The following TP53BP1 variants were observed in gnomAD, a reference collection of about 807,000 sequenced individuals.
TP53BP1 encodes the protein TP53-binding protein 1.
Under a neutral mutation model 200.8 loss-of-function variants are expected in TP53BP1, and 61 were observed. The observed-to-expected ratio is 0.30, with a 90% CI of 0.25 to 0.38. The LOEUF is 0.38. Among genes scored for constraint, TP53BP1 ranks in the 10% least tolerant of loss-of-function variants. The pLI, the probability that TP53BP1 is intolerant of heterozygous loss-of-function variation, is 1.00. For missense variants in TP53BP1, 2,144 were observed against 2,371.9 expected, an observed-to-expected ratio of 0.90 and a Z score of 2.00; for synonymous variants, 822 against 844.3, an observed-to-expected ratio of 0.97 and a Z score of 0.46.
intron 11 of TP53BP1, among the ~76,000 whole-genome samples, chr15:43,463,056 CAAAA>C (rs538139985): frequency 8.6e-5 from 13 of 151,468 alleles, no homozygotes; most frequent in African/African-American, 3.1e-4. Flanking sequence ...GACTCCATCT[CAAAA>C]AAAACACAAA....
intron 27 of TP53BP1, 37 bp from the exon 28 acceptor site, chr15:43,407,607 A>G (rs1421451296): frequency 5.7e-6 from 9 of 1,578,018 alleles, no homozygotes; most frequent in Admixed American, 1.8e-5. Flanking sequence ...AGGAAAGGAC[A>G]CTCAACTTAG....
intron 22 of TP53BP1, 113 bp from the exon 23 acceptor site, chr15:43,415,922 C>G: frequency 1.1e-6 from 1 of 892,306 alleles, no homozygotes; most frequent in Non-Finnish European, 1.7e-6. Context: ...CCCCCACTTC[C>G]CATGAGGCCA....
chr15:43,466,406 GAC>G lies in TP53BP1; in HGVS notation c.1389+3450_1389+3451del, dbSNP rs777104012. ...AAAGAAAACTAAACAAATAAAAAAA[GAC>G]AATTACAATTTCAGAGAAAAGAAAC... On this transcript the variant is annotated intron_variant, in intron 11 of 27. Transcript: ENST00000382044. Among the ~76,000 whole-genome samples, 8 of 152,272 alleles carry G rather than the reference GAC, an allele frequency of 5.3e-5. No individual in the cohort carries two copies. The East Asian group carries it at 1.5e-3, about 29-fold the overall frequency.
chr15:43,502,448 C>A (rs998795039), intron 1 of TP53BP1, among the ~76,000 whole-genome samples: 1 of 151,936 alleles, frequency 6.6e-6, no homozygotes, highest in Non-Finnish European at 1.5e-5. Context: ...GAAGTGATAT[C>A]TCATGTTTGT....
rs889198113 is a variant in TP53BP1 at position 43,403,380 on chromosome 15, C to G, written c.*4003G>C. ...TCCCGGGCAAAGGGAACAACACTCA[C>G]AGCTCAGAGGCAGGAAGACACTCTG... On this transcript the variant is annotated 3_prime_UTR_variant, in exon 28 of 28. Coordinates refer to ENST00000382044, the MANE Select transcript of TP53BP1 (RefSeq NM_001141980.3). 3 of 223,694 alleles carry G rather than the reference C, an allele frequency of 1.3e-5. No homozygotes were observed. The highest frequency in any genetic ancestry group is 1.8e-5 in the Non-Finnish European group (2 of 113,378). The allele number at this position is 223,694 out of a possible 1,614,324, so 13.9% of individuals were successfully genotyped here. A position where few individuals can be genotyped will look rare whatever the true frequency, so the allele number is the denominator to read the frequency against.
At chr15:43,474,225 C>T (rs988854684) in intron 10 of TP53BP1, among the ~76,000 whole-genome samples, 2 of 152,160 alleles carry the variant, frequency 1.3e-5, no homozygotes, top group Admixed American at 6.5e-5. Flanking sequence ...GGCCCGCAAG[C>T]GCCGCGCACA....
At chr15:43,428,296 T>C in intron 17 of TP53BP1, 128 bp from the exon 18 acceptor site, 1 of 825,948 alleles carries the variant, frequency 1.2e-6, no homozygotes, top group Non-Finnish European at 1.9e-6. Flanking sequence ...CTTCCTACTG[T>C]TTTGTTTTAT....
intron 5 of TP53BP1, 84 bp from the exon 6 acceptor site, chr15:43,480,101 C>T: frequency 1.5e-6 from 2 of 1,292,770 alleles, no homozygotes; most frequent in Non-Finnish European, 2.2e-6. Flanking sequence ...AAGGAGGGTC[C>T]CGTTAAGTCC....
chr15:43,420,142 C>A (rs1010416233), intron 21 of TP53BP1, among the ~76,000 whole-genome samples, 163 bp downstream of exon 21: 17 of 152,070 alleles, frequency 1.1e-4, no homozygotes, highest in African/African-American at 3.9e-4. Flanking sequence ...AATGAACAAA[C>A]AGAAAAGTCA....
chr15:43,468,125 A>G (rs1423231987), intron 11 of TP53BP1, among the ~76,000 whole-genome samples: 2 of 150,290 alleles, frequency 1.3e-5, no homozygotes, highest in East Asian at 2.0e-4. Flanking sequence ...GGGTCTTGCT[A>G]TTTTGCCCAA....
chr15:43,404,225 A>G lies in TP53BP1; in HGVS notation c.*3158T>C. On this transcript the variant is annotated 3_prime_UTR_variant, in exon 28 of 28. Transcript: ENST00000382044. ...CTGATGAAAGAGTACTTTCATAGGA[A>G]GTCATGCATGTATGGATTTGGTACA... The G allele has an allele frequency of 1.7e-6, 1 of 604,206 alleles. No individual in the cohort carries two copies. The highest frequency in any genetic ancestry group is 2.4e-5 in the South Asian group (1 of 40,818). 37.4% of individuals were successfully genotyped at this position (604,206 alleles called of 1,614,324 possible).
intron 26 of TP53BP1, 25 bp from the exon 27 acceptor site, chr15:43,408,113 T>A: frequency 6.2e-7 from 1 of 1,608,440 alleles, no homozygotes; most frequent in East Asian, 2.2e-5. Flanking sequence ...GGAAAGGACC[T>A]TAGCATGACA....
chr15:43,405,361 C>A lies in TP53BP1; in HGVS notation c.*2022G>T. On this transcript the variant is annotated 3_prime_UTR_variant, in exon 28 of 28. Coordinates refer to ENST00000382044, the MANE Select transcript of TP53BP1 (RefSeq NM_001141980.3). Reference sequence around the variant, plus strand: ...TTTTCTCCTAGAAGCAGTTACTGAACATCCAGGAGTACAACTCCTTCCCAT... The same window carrying A: ...TTTTCTCCTAGAAGCAGTTACTGAAAATCCAGGAGTACAACTCCTTCCCAT... 1 of 852,864 alleles carries A rather than the reference C, an allele frequency of 1.2e-6. No homozygotes were observed. Among genetic ancestry groups the A allele is most frequent in the Non-Finnish European group, 1.9e-6 (1 of 531,288 alleles). 52.8% of individuals were successfully genotyped at this position (852,864 alleles called of 1,614,324 possible).
At position 43,428,003 on chromosome 15, in the gene TP53BP1, G is replaced by A; in HGVS notation, c.3828+13C>T. 5 of 1,547,808 alleles carry A rather than the reference G, an allele frequency of 3.2e-6. No individual in the cohort carries two copies. The highest frequency in any genetic ancestry group is 2.3e-5 in the East Asian group (1 of 43,922). ...GAAAGAAATTTGCCACACAGACTCA[G>A]AGTATGTATTACCTCAGTTACTTTT... On this transcript the variant is annotated intron_variant, in intron 18 of 27. Coordinates refer to ENST00000382044, the MANE Select transcript of TP53BP1 (RefSeq NM_001141980.3).
rs2079006737 is a variant in TP53BP1, at chr15:43,483,689, T to C, written c.372-2667A>G. Among the ~76,000 whole-genome samples the C allele has an allele frequency of 2.0e-5, 3 of 152,126 alleles. No homozygotes were observed. In the East Asian group the frequency reaches 5.8e-4, roughly 29 times the overall value. On this transcript the variant is annotated intron_variant, in intron 4 of 27. Coordinates refer to ENST00000382044, the MANE Select transcript of TP53BP1 (RefSeq NM_001141980.3). ...ATTTTTACAAAAGCAAAATAGAACA[T>C]TATCTATATAACTGGAAGGACCAGA...
chr15:43,501,367 C>A (rs564378211), intron 1 of TP53BP1, among the ~76,000 whole-genome samples: 116 of 151,776 alleles, frequency 7.6e-4, no homozygotes, highest in Non-Finnish European at 1.4e-3. Flanking sequence ...GTATGCACCA[C>A]CACACCTGGC....
intron 24 of TP53BP1, among the ~76,000 whole-genome samples, chr15:43,410,032 C>T (rs1173931905): frequency 2.0e-5 from 3 of 152,182 alleles, no homozygotes; most frequent in Admixed American, 2.0e-4. Flanking sequence ...GGGATGGGAA[C>T]ACAATCATTT....
At chr15:43,493,785 C>A (rs991012423), upstream of TP53BP1, among the ~76,000 whole-genome samples, 4 of 152,184 alleles carry the variant, frequency 2.6e-5, no homozygotes, top group Admixed American at 2.0e-4. Context: ...CCGCCTAGGA[C>A]GTATTTCAAG....
intron 16 of TP53BP1, among the ~76,000 whole-genome samples, chr15:43,437,945 G>A (rs1003397088): frequency 2.6e-5 from 4 of 152,166 alleles, no homozygotes; most frequent in African/African-American, 9.7e-5. Context: ...GCATCTAGAC[G>A]GCCAGCTGGT....
Sources: allele counts gnomAD v4.1 joint callset (sites outside exome capture counted in the v4.1 genomes callset), GRCh38; gene constraint gnomAD v4.1.1; transcripts MANE v1.5; gene names NCBI Gene and HGNC (gene_info 2026-07-23, HGNC 2026-07-21).